The following RBFOX1 variants were observed in gnomAD, a reference collection of about 807,000 sequenced individuals.
RBFOX1 encodes RNA binding protein fox-1 homolog 1.
A neutral mutation model predicts 57.7 loss-of-function variants in RBFOX1; 8 were observed. That is an observed-to-expected ratio of 0.14 (90% CI 0.08 to 0.25). The LOEUF (loss-of-function observed/expected upper bound fraction) is 0.25, where lower values mean the gene tolerates loss of function less well. RBFOX1 is among the 10% of genes least tolerant of loss of function. The pLI, the probability that RBFOX1 is intolerant of heterozygous loss-of-function variation, is 1.00. For synonymous variants in RBFOX1, 326 were observed against 222.4 expected, an observed-to-expected ratio of 1.47 and a Z score of -4.15; for missense variants, 611 against 548.5, an observed-to-expected ratio of 1.11 and a Z score of -1.14.
intron 3 of RBFOX1, among the ~76,000 whole-genome samples, chr16:6,942,113 C>G (rs892394149): frequency 1.3e-5 from 2 of 152,116 alleles, no homozygotes; most frequent in Non-Finnish European, 2.9e-5. Context: ...GTGGTGCACA[C>G]CTGTAATCCC....
intron 3 of RBFOX1, among the ~76,000 whole-genome samples, chr16:6,902,845 CATTT>C (rs778243848): frequency 1.4e-4 from 21 of 152,178 alleles, no homozygotes; most frequent in Admixed American, 1.3e-4. Flanking sequence ...TCCATCTGTT[CATTT>C]ATTTATTTAT....
chr16:7,564,444 G>A (rs2091194479), intron 5 of RBFOX1, among the ~76,000 whole-genome samples: 1 of 150,804 alleles, frequency 6.6e-6, no homozygotes, highest in African/African-American at 2.4e-5. Flanking sequence ...AGGAGGCTGA[G>A]GCAGGGGAAT....
At chr16:7,208,215 T>G (rs2090391907) in intron 4 of RBFOX1, among the ~76,000 whole-genome samples, 1 of 152,190 alleles carries the variant, frequency 6.6e-6, no homozygotes, top group Non-Finnish European at 1.5e-5. Flanking sequence ...CCATCTATAA[T>G]CGGCCAGATT....
At chr16:5,797,440 A>C (rs899948835) in intron 3 of RBFOX1, among the ~76,000 whole-genome samples, 4 of 152,154 alleles carry the variant, frequency 2.6e-5, no homozygotes, top group Admixed American at 2.0e-4. Context: ...CTGTAACTGA[A>C]GGTGTGTTTC....
chr16:7,280,919 G>A (rs2095527812), intron 4 of RBFOX1, among the ~76,000 whole-genome samples: 1 of 151,172 alleles, frequency 6.6e-6, no homozygotes, highest in African/African-American at 2.4e-5. Flanking sequence ...CAGCTACTCT[G>A]GGCCTCTTGA....
chr16:7,476,533 AG>A (rs1264036760), intron 4 of RBFOX1, among the ~76,000 whole-genome samples: 5 of 152,234 alleles, frequency 3.3e-5, no homozygotes, highest in African/African-American at 1.2e-4. Context: ...AAGATACAAG[AG>A]GAAAACTTGA....
At chr16:5,651,645 G>A (rs1422498386) in intron 3 of RBFOX1, among the ~76,000 whole-genome samples, 1 of 152,124 alleles carries the variant, frequency 6.6e-6, no homozygotes, top group African/African-American at 2.4e-5. Context: ...TCAGCTGTGT[G>A]AATTCCCAGT....
chr16:5,286,003 C>G (rs977526243), intron 1 of RBFOX1, among the ~76,000 whole-genome samples: 9 of 152,162 alleles, frequency 5.9e-5, no homozygotes, highest in Admixed American at 2.0e-4. Flanking sequence ...AACTCCTCAC[C>G]TCGTGATCTG....
At chr16:7,054,069 C>T (rs1232856289) in intron 4 of RBFOX1, among the ~76,000 whole-genome samples, 1 of 151,562 alleles carries the variant, frequency 6.6e-6, no homozygotes, top group Non-Finnish European at 1.5e-5. Context: ...ATATTTTCTT[C>T]TGCCCTCTTC....
intron 4 of RBFOX1, among the ~76,000 whole-genome samples, chr16:7,505,580 A>G (rs192633191): frequency 7.9e-5 from 12 of 152,206 alleles, no homozygotes; most frequent in African/African-American, 2.9e-4. Flanking sequence ...ACTTTTAAAG[A>G]GTTGAGAAAA....
chr16:5,939,328 T>C (rs544539866), intron 4 of RBFOX1, among the ~76,000 whole-genome samples: 1 of 152,370 alleles, frequency 6.6e-6, no homozygotes, highest in East Asian at 1.9e-4. Context: ...TATGACAGTT[T>C]CTGAGGTTCA....
At chr16:6,794,706 T>C (rs1171682098) in intron 3 of RBFOX1, among the ~76,000 whole-genome samples, 1 of 152,190 alleles carries the variant, frequency 6.6e-6, no homozygotes, top group Middle Eastern at 3.2e-3. Flanking sequence ...GAATGTTTAA[T>C]GTAAATCATA....
rs1004918407 is a variant in RBFOX1, at chr16:5,781,443, C to T, written c.319-85860C>T. ...TAGTAAGTAACTATGCCAATAAATG[C>T]CAGTAGTAGGCCCAGCTCAGTCACT... On this transcript the variant is annotated intron_variant, in intron 3 of 19. Transcript: ENST00000641259. 2.6e-5 allele frequency among the ~76,000 whole-genome samples: 4 copies of T among 152,244 alleles called. No individual in the cohort carries two copies. In the South Asian group the frequency reaches 8.3e-4, roughly 32 times the overall value.
intron 1 of RBFOX1, among the ~76,000 whole-genome samples, chr16:5,384,719 G>C (rs921205986): frequency 5.3e-5 from 8 of 152,192 alleles, no homozygotes; most frequent in African/African-American, 1.9e-4. Flanking sequence ...GTTCTCAGGG[G>C]TTGGGCTTTT....
chr16:6,140,407 G>C (rs2096706631), intron 1 of RBFOX1, among the ~76,000 whole-genome samples: 1 of 151,936 alleles, frequency 6.6e-6, no homozygotes, highest in African/African-American at 2.4e-5. Context: ...TGTTGGCCAG[G>C]CTAGCCTCGA....
chr16:6,993,423 T>G lies in RBFOX1; in HGVS notation c.-15-58634T>G, dbSNP rs541118760. Among the ~76,000 whole-genome samples, 3 of 152,290 alleles carry G rather than the reference T, an allele frequency of 2.0e-5. No homozygotes were observed. In the South Asian group the frequency reaches 6.2e-4, roughly 32 times the overall value. ...TGGGTTCAGGATTTGTAGAGCATAT[T>G]CTAAATGCATTGCTGGCTGAGGGAT... On this transcript the variant is annotated intron_variant, in intron 3 of 15. Coordinates refer to ENST00000550418, the MANE Select transcript of RBFOX1 (RefSeq NM_018723.4).
chr16:6,522,525 A>G (rs542057117), intron 2 of RBFOX1, among the ~76,000 whole-genome samples: 1 of 152,324 alleles, frequency 6.6e-6, no homozygotes, highest in South Asian at 2.1e-4. Flanking sequence ...GCTTAGCATA[A>G]GGAAAGCAAT....
intron 1 of RBFOX1, among the ~76,000 whole-genome samples, chr16:6,134,480 G>T (rs1013336716): frequency 6.6e-6 from 1 of 152,130 alleles, no homozygotes; most frequent in African/African-American, 2.4e-5. Context: ...GCCATCCAGG[G>T]ATGCATAGTA....
chr16:5,835,330 A>G (rs1016842488), intron 3 of RBFOX1, among the ~76,000 whole-genome samples: 3 of 152,204 alleles, frequency 2.0e-5, no homozygotes, highest in Non-Finnish European at 4.4e-5. Context: ...CACGTAGACA[A>G]CTAAGCACAG....
Sources: allele counts gnomAD v4.1 joint callset (sites outside exome capture counted in the v4.1 genomes callset), GRCh38; gene constraint gnomAD v4.1.1; transcripts MANE v1.5; gene names NCBI Gene and HGNC (gene_info 2026-07-23, HGNC 2026-07-21).